VPS8: variants seen among roughly 807,000 people sequenced by gnomAD.
VPS8 encodes the protein vacuolar protein sorting-associated protein 8 homolog.
In VPS8, 129 loss-of-function variants were observed where a neutral mutation model predicts 216.4. The observed-to-expected ratio is 0.60, with a 90% confidence interval of 0.52 to 0.69. The LOEUF (loss-of-function observed/expected upper bound fraction) is 0.69. Among genes scored for constraint, VPS8 ranks in the 30% least tolerant of loss-of-function variants. The pLI, the probability that VPS8 is intolerant of heterozygous loss-of-function variation, is 0.00. For synonymous variants in VPS8, 571 were observed against 565.4 expected, an observed-to-expected ratio of 1.01 and a Z score of -0.14; for missense variants, 1,531 against 1,683.5, an observed-to-expected ratio of 0.91 and a Z score of 1.59.
intron 30 of VPS8, among the ~76,000 whole-genome samples, chr3:184,926,066 C>T (rs914672377): frequency 2.7e-5 from 4 of 149,550 alleles, no homozygotes; most frequent in Non-Finnish European, 5.9e-5. Context: ...TGAGCCACTG[C>T]GCCTAGCCTC....
chr3:184,918,735 C>T (rs1002850327), intron 28 of VPS8, among the ~76,000 whole-genome samples: 6 of 152,102 alleles, frequency 3.9e-5, no homozygotes, highest in African/African-American at 1.4e-4. Context: ...AGTTGAATAG[C>T]ATTTATATTA....
At chr3:184,941,896 T>G (rs1391374966) in intron 36 of VPS8, among the ~76,000 whole-genome samples, 2 of 151,386 alleles carry the variant, frequency 1.3e-5, no homozygotes, top group African/African-American at 4.9e-5. Flanking sequence ...ACCAAGTATA[T>G]TTTTTTATTT....
chr3:184,860,962 C>A (rs1259788234), intron 15 of VPS8, among the ~76,000 whole-genome samples: 1 of 151,922 alleles, frequency 6.6e-6, no homozygotes, highest in Non-Finnish European at 1.5e-5. Flanking sequence ...GCTGGGACTA[C>A]AGGTGCCCCC....
chr3:184,924,735 C>G, intron 29 of VPS8, 127 bp from the exon 30 acceptor site: 1 of 1,208,286 alleles, frequency 8.3e-7, no homozygotes, highest in Non-Finnish European at 1.1e-6. Context: ...TCAATTGTTG[C>G]ACAGTCAATA....
At chr3:184,827,318 T>C (rs1181751974) in intron 3 of VPS8, among the ~76,000 whole-genome samples, 2 of 152,230 alleles carry the variant, frequency 1.3e-5, no homozygotes, top group Non-Finnish European at 2.9e-5. Context: ...TGCTGTTACT[T>C]TGAGTGTATT....
chr3:184,964,543 C>A lies in VPS8; in HGVS notation c.3259C>A (p.Leu1087Ile). 1 of 1,515,036 alleles carries A rather than the reference C, an allele frequency of 6.6e-7. No individual in the cohort carries two copies. The highest frequency in any genetic ancestry group is 1.3e-5 in the South Asian group (1 of 77,512). 93.8% of individuals were successfully genotyped at this position (1,515,036 alleles called of 1,614,324 possible). Residue 1087 changes from leucine to isoleucine, a missense_variant, in exon 38 of 48, where the codon CTA (leucine) becomes ATA (isoleucine). Transcript: ENST00000625842. ...EKKGDIHGAF[L>I]IMLERLQSKL... ...GAAAGGAGATATTCATGGTGCCTTC[C>A]TAATAATGTTAGAGGTAACACTTTA... is the stretch of plus-strand genomic sequence containing the variant.
At chr3:184,871,793 C>G (rs1469047536) in intron 21 of VPS8, among the ~76,000 whole-genome samples, 4 of 152,090 alleles carry the variant, frequency 2.6e-5, no homozygotes, top group Non-Finnish European at 5.9e-5. Context: ...TTTTGAAGTT[C>G]TAAAGAGTAG....
intron 45 of VPS8, among the ~76,000 whole-genome samples, chr3:185,020,015 T>C (rs950982691): frequency 1.3e-5 from 2 of 152,190 alleles, no homozygotes; most frequent in Non-Finnish European, 2.9e-5. Flanking sequence ...CTTACTTACC[T>C]GAAGAAAAAG....
chr3:185,035,677 C>T (rs927233919), intron 46 of VPS8, among the ~76,000 whole-genome samples: 1 of 152,148 alleles, frequency 6.6e-6, no homozygotes, highest in African/African-American at 2.4e-5. Flanking sequence ...AAGCTCGAAC[C>T]ATTCCCTTTG....
At chr3:185,004,228 G>A (rs941011419) in intron 45 of VPS8, among the ~76,000 whole-genome samples, 4 of 152,112 alleles carry the variant, frequency 2.6e-5, no homozygotes, top group East Asian at 1.9e-4. Context: ...CTGCAATCCC[G>A]GCACCCCGGG....
intron 45 of VPS8, among the ~76,000 whole-genome samples, chr3:185,010,721 G>A (rs556250849): frequency 6.6e-6 from 1 of 152,208 alleles, no homozygotes; most frequent in Non-Finnish European, 1.5e-5. Context: ...CAGAAACAGG[G>A]CTTGGTACAG....
intron 43 of VPS8, among the ~76,000 whole-genome samples, chr3:184,995,092 G>A (rs1194305934): frequency 6.6e-6 from 1 of 152,218 alleles, no homozygotes; most frequent in Non-Finnish European, 1.5e-5. Context: ...TGAGATTTGG[G>A]TGGGGACACA....
intron 1 of VPS8, among the ~76,000 whole-genome samples, chr3:184,820,307 G>A (rs1339794322): frequency 6.6e-6 from 1 of 152,142 alleles, no homozygotes; most frequent in Non-Finnish European, 1.5e-5. Flanking sequence ...GAGGCTGCCT[G>A]CATCCTTGGC....
intron 45 of VPS8, among the ~76,000 whole-genome samples, chr3:185,000,700 C>T (rs1001072138): frequency 6.6e-6 from 1 of 151,780 alleles, no homozygotes; most frequent in African/African-American, 2.4e-5. Flanking sequence ...GCTCCGTCTC[C>T]TGGGTTCACG....
At chr3:184,844,669 C>A (rs1211719320) in intron 8 of VPS8, among the ~76,000 whole-genome samples, 2 of 152,122 alleles carry the variant, frequency 1.3e-5, no homozygotes, top group Non-Finnish European at 2.9e-5. Context: ...TTATTTGTGA[C>A]TTTTCTTTGC....
chr3:184,895,685 G>T, intron 23 of VPS8, among the ~76,000 whole-genome samples: 1 of 106,662 alleles, frequency 9.4e-6, no homozygotes, highest in Non-Finnish European at 1.8e-5. Context: ...TGTCCCCCAG[G>T]CTGGAGTACA....
At chr3:185,028,816 G>A (rs1454279867) in intron 46 of VPS8, among the ~76,000 whole-genome samples, 2 of 152,148 alleles carry the variant, frequency 1.3e-5, no homozygotes, top group African/African-American at 4.8e-5. Flanking sequence ...GCCTCATGAG[G>A]GCAGAGCAGT....
intron 45 of VPS8, among the ~76,000 whole-genome samples, chr3:185,003,156 A>AT (rs57940868): frequency 0.77 from 98,723 of 128,470 alleles, 40,254 homozygotes; most frequent in East Asian, 0.88. Flanking sequence ...ATTTTTTCTC[A>AT]TTTTTTTTTT....
chr3:184,909,427 GT>G (rs1736085027), intron 25 of VPS8, among the ~76,000 whole-genome samples: 1 of 152,102 alleles, frequency 6.6e-6, no homozygotes, highest in African/African-American at 2.4e-5. Flanking sequence ...GTTTCTCTGG[GT>G]TTTGATTGTG....
Sources: gnomAD v4.1 joint callset for allele counts (sites outside exome capture counted in the v4.1 genomes callset) on GRCh38, gnomAD v4.1.1 for gene constraint, MANE v1.5 for transcripts, NCBI Gene and HGNC (gene_info 2026-07-23, HGNC 2026-07-21) for gene names.